The following CCT7 variants were observed in gnomAD, a reference collection of about 807,000 sequenced individuals.
The protein encoded by CCT7 is T-complex protein 1 subunit eta.
In CCT7, 16 loss-of-function variants were observed where a neutral mutation model predicts 56.6. The ratio of observed to expected loss-of-function variants is 0.28; its 90% CI spans 0.19 to 0.43. The LOEUF (loss-of-function observed/expected upper bound fraction) is 0.43, where lower values mean the gene tolerates loss of function less well. CCT7 is among the 20% of genes least tolerant of loss of function. The probability of loss-of-function intolerance (pLI) is 1.00; values close to 1 mark genes in which losing one functional copy is unlikely to be tolerated. For missense variants in CCT7, 519 were observed against 685.6 expected (o/e 0.76, Z 2.71); for synonymous variants, 262 against 254.8 (o/e 1.03, Z -0.27).
At chr2:73,237,484 C>T (rs1452907236) in intron 1 of CCT7, 3 of 152,136 alleles carry the variant, frequency 2.0e-5, no homozygotes, top group African/African-American at 7.2e-5. Context: ...TTGGGGCTGC[C>T]ATAAGGAATG....
rs1386201377 is a variant in CCT7 at position 73,247,755 on chromosome 2, A to G, written c.619-7A>G. 1.9e-6 allele frequency: 3 copies of G among 1,612,282 alleles called. No individual in the cohort carries two copies. The highest frequency in any genetic ancestry group is 2.2e-5 in the South Asian group (2 of 91,026). On this transcript the variant is annotated splice_polypyrimidine_tract_variant and splice_region_variant and intron_variant, in intron 6 of 11. Transcript: ENST00000258091. Reference sequence around the variant, plus strand: ...AAACCATTAAAGTGTTTGTTTTTTTAAAACAGGATTCTCAGCTGGTAGCTG... The same window carrying G: ...AAACCATTAAAGTGTTTGTTTTTTTGAAACAGGATTCTCAGCTGGTAGCTG...
Position 73,252,869 on chromosome 2 carries a change from C to T in CCT7, c.*8C>T. ...CGTGGCCGCCCCCACTGAGAGGCAC[C>T]CCACCCATCACATGGCTGGCTGGCT... On this transcript the variant is annotated 3_prime_UTR_variant, in exon 12 of 12. Transcript: ENST00000258091. 6.2e-7 allele frequency: 1 copy of T among 1,607,102 alleles called. No individual in the cohort carries two copies.
intron 7 of CCT7, among the ~76,000 whole-genome samples, chr2:73,248,462 T>A (rs977037957): frequency 3.3e-5 from 5 of 152,068 alleles, no homozygotes; most frequent in African/African-American, 1.2e-4. Context: ...GTGATTCCCC[T>A]GCCTTAGCCT....
At chr2:73,239,294 CCTG>C in intron 1 of CCT7, 1 of 186,396 alleles carries the variant, frequency 5.4e-6, no homozygotes, top group Non-Finnish European at 1.1e-5. Flanking sequence ...GCCTCTTCCT[CCTG>C]TGTTGTGACC....
Position 73,250,303 on chromosome 2 carries a change from T to C in CCT7, c.1071-3T>C. The stretch of plus-strand genomic sequence containing the variant: ...TGTGTGTACTGTTTAATCCTGGGCA[T>C]AGGTACAATTTTTTTACTGGCTGCC... On this transcript the variant is annotated splice_polypyrimidine_tract_variant and splice_region_variant and intron_variant, in intron 9 of 11. Coordinates refer to ENST00000258091, the MANE Select transcript of CCT7 (RefSeq NM_006429.4). The C allele has an allele frequency of 1.2e-6, 2 of 1,614,032 alleles. No individual in the cohort carries two copies. The highest frequency in any genetic ancestry group is 1.7e-6 in the Non-Finnish European group (2 of 1,180,008).
intron 3 of CCT7, 23 bp from the exon 4 acceptor site, chr2:73,242,981 T>C: frequency 6.2e-7 from 1 of 1,613,246 alleles, no homozygotes; most frequent in Non-Finnish European, 8.5e-7. Context: ...AGAAAACGTG[T>C]ATTTCCTGTC....
Position 73,251,216 on chromosome 2 carries a change from A to T in CCT7, c.1204-10A>T. 2 of 1,613,972 alleles carry T rather than the reference A, an allele frequency of 1.2e-6. No homozygotes were observed. Among genetic ancestry groups the T allele is most frequent in the Admixed American group, 3.3e-5 (2 of 60,010 alleles). ...CCCTCTTACATTGAGAGGTGGTCTG[A>T]TCTCTGCAGAATGATTCAGTGGTGG... On this transcript the variant is annotated splice_polypyrimidine_tract_variant and intron_variant, in intron 10 of 11. Coordinates refer to ENST00000258091, the MANE Select transcript of CCT7 (RefSeq NM_006429.4).
At chr2:73,240,384 T>C (rs1312715158) in intron 2 of CCT7, 53 bp from the exon 3 acceptor site, 1 of 1,401,328 alleles carries the variant, frequency 7.1e-7, no homozygotes, top group Admixed American at 1.7e-5. Flanking sequence ...TAGGTCCCAC[T>C]TGAAGACAGC....
intron 7 of CCT7, among the ~76,000 whole-genome samples, chr2:73,248,323 A>G (rs1687431533): frequency 6.7e-6 from 1 of 150,252 alleles, no homozygotes; most frequent in African/African-American, 2.5e-5. Flanking sequence ...CATGTCACCC[A>G]CCTTTGAGCA....
intron 1 of CCT7, 47 bp from the exon 2 acceptor site, chr2:73,239,596 A>C (rs1163274414): frequency 1.3e-6 from 2 of 1,567,128 alleles, no homozygotes; most frequent in East Asian, 4.5e-5. Flanking sequence ...TGCCAGTCTC[A>C]TTATAATAGA....
intron 6 of CCT7, 126 bp downstream of exon 6, chr2:73,244,841 T>C: frequency 1.6e-6 from 1 of 644,358 alleles, no homozygotes; most frequent in East Asian, 2.9e-5. Flanking sequence ...AAGTCAGACT[T>C]ACATTGTACT....
intron 6 of CCT7, among the ~76,000 whole-genome samples, chr2:73,246,796 C>T (rs1687359949): frequency 6.6e-6 from 1 of 152,170 alleles, no homozygotes; most frequent in South Asian, 2.1e-4. Context: ...CTAATTTCTG[C>T]TCATCTGTCA....
rs11312393 is a variant in CCT7 at position 73,241,397 on chromosome 2, C to CT, written c.267+865dup. ...CCACTTAAACCTTCTCTATAGTAAC[C>CT]TTTTTTTTTTTGCCCCTTGAGAATT... On this transcript the variant is annotated intron_variant, in intron 3 of 11. Coordinates refer to ENST00000258091, the MANE Select transcript of CCT7 (RefSeq NM_006429.4). Among the ~76,000 whole-genome samples, 191 of 147,608 alleles carry CT rather than the reference C, an allele frequency of 1.3e-3. 1 individual carries two copies. The highest frequency in any genetic ancestry group is 6.2e-3 in the South Asian group (29 of 4,662).
At chr2:73,235,355 G>A in intron 1 of CCT7, among the ~76,000 whole-genome samples, 1 of 152,132 alleles carries the variant, frequency 6.6e-6, no homozygotes, top group East Asian at 1.9e-4. Context: ...TGTGCACTTG[G>A]CAGTTCACTT....
chr2:73,249,247 A>G, intron 8 of CCT7, 68 bp downstream of exon 8: 3 of 1,260,894 alleles, frequency 2.4e-6, no homozygotes, highest in Non-Finnish European at 3.3e-6. Context: ...GACCCCTGGT[A>G]TAACAGAGTG....
chr2:73,244,839 CT>C, intron 6 of CCT7, 124 bp downstream of exon 6: 2 of 676,236 alleles, frequency 3.0e-6, no homozygotes, highest in Non-Finnish European at 4.7e-6. Flanking sequence ...GGAAGTCAGA[CT>C]TACATTGTAC....
intron 5 of CCT7, 104 bp downstream of exon 5, chr2:73,244,153 G>A (rs1261868864): frequency 6.3e-6 from 7 of 1,111,342 alleles, no homozygotes; most frequent in South Asian, 2.9e-5. Flanking sequence ...TCCCACCTGC[G>A]ACTCCCAAAG....
chr2:73,252,067 C>T (rs900766748), intron 11 of CCT7, among the ~76,000 whole-genome samples: 6 of 152,112 alleles, frequency 3.9e-5, no homozygotes, highest in Non-Finnish European at 8.8e-5. Flanking sequence ...CAGAGCCCTA[C>T]AAGTGTGACC....
chr2:73,243,319 T>C lies in CCT7; in HGVS notation c.393+190T>C, dbSNP rs538153276. The C allele has an allele frequency of 6.5e-6, 4 of 617,514 alleles. No homozygotes were observed. The East Asian group carries it at 1.1e-4, about 18-fold the overall frequency. The allele number at this position is 617,514 out of a possible 1,614,324, so 38.3% of individuals were successfully genotyped here. ...GATGAGGTGTATTACTTAATCTCTT[T>C]AAGCCTCAGGTTAGAGTCAGCCTGG... On this transcript the variant is annotated intron_variant, in intron 4 of 11. Coordinates refer to ENST00000258091, the MANE Select transcript of CCT7 (RefSeq NM_006429.4).
Sources: gnomAD v4.1 joint callset for allele counts (sites outside exome capture counted in the v4.1 genomes callset) on GRCh38, gnomAD v4.1.1 for gene constraint, MANE v1.5 for transcripts, NCBI Gene and HGNC (gene_info 2026-07-23, HGNC 2026-07-21) for gene names.